The following C3orf70 variants were observed in gnomAD, a reference collection of about 807,000 sequenced individuals.
C3orf70 encodes UPF0524 protein C3orf70.
C3orf70 carries 15 observed loss-of-function variants against 20.7 expected under a neutral mutation model. That is an observed-to-expected ratio of 0.72 (90% confidence interval 0.48 to 1.11). The LOEUF is 1.11. C3orf70 is among the 50% of genes most tolerant of loss of function. The probability of loss-of-function intolerance (pLI) is 0.00; values close to 1 mark genes in which losing one functional copy is unlikely to be tolerated. For synonymous variants in C3orf70, 161 were observed against 125.7 expected, an observed-to-expected ratio of 1.28 and a Z score of -1.88; for missense variants, 332 against 317.6, an observed-to-expected ratio of 1.05 and a Z score of -0.34.
At chr3:185,093,875 T>C (rs1715644172) in intron 1 of C3orf70, among the ~76,000 whole-genome samples, 2 of 151,910 alleles carry the variant, frequency 1.3e-5, no homozygotes, top group African/African-American at 4.8e-5. Context: ...CTAGATACAG[T>C]CATCCCTCAG....
chr3:185,140,286 G>T (rs1412348182), intron 1 of C3orf70, among the ~76,000 whole-genome samples: 1 of 152,098 alleles, frequency 6.6e-6, no homozygotes, highest in African/African-American at 2.4e-5. Flanking sequence ...CTGCTAAGAG[G>T]ATGAAAAGAT....
chr3:185,127,964 AAAGTT>A (rs1716447580), intron 1 of C3orf70, among the ~76,000 whole-genome samples: 1 of 152,250 alleles, frequency 6.6e-6, no homozygotes, highest in African/African-American at 2.4e-5. Flanking sequence ...AAACAAACAC[AAAGTT>A]AAGCATAAAC....
intron 1 of C3orf70, among the ~76,000 whole-genome samples, chr3:185,097,639 G>A (rs1715735901): frequency 6.6e-6 from 1 of 152,194 alleles, no homozygotes; most frequent in East Asian, 1.9e-4. Flanking sequence ...TGAGAGCAGA[G>A]CATCATGGCT....
chr3:185,105,015 C>G (rs1163095672), intron 1 of C3orf70, among the ~76,000 whole-genome samples: 1 of 152,110 alleles, frequency 6.6e-6, no homozygotes, highest in Non-Finnish European at 1.5e-5. Context: ...TGCTGACAAC[C>G]AATTAAAGAT....
intron 1 of C3orf70, among the ~76,000 whole-genome samples, chr3:185,133,333 T>C (rs893218944): frequency 1.3e-4 from 20 of 152,248 alleles, no homozygotes; most frequent in African/African-American, 4.6e-4. Flanking sequence ...TTTAAAGATG[T>C]ACCTCCCCAA....
At chr3:185,147,851 C>A (rs1468719941) in intron 1 of C3orf70, among the ~76,000 whole-genome samples, 1 of 152,144 alleles carries the variant, frequency 6.6e-6, no homozygotes, top group Non-Finnish European at 1.5e-5. Flanking sequence ...AAGACTAAAC[C>A]TTTCACCCTC....
At chr3:185,125,720 T>C (rs1716396843) in intron 1 of C3orf70, among the ~76,000 whole-genome samples, 2 of 152,334 alleles carry the variant, frequency 1.3e-5, no homozygotes, top group Non-Finnish European at 2.9e-5. Context: ...GAGATCCTTA[T>C]GTTAAGTGGA....
intron 1 of C3orf70, among the ~76,000 whole-genome samples, chr3:185,151,704 A>G (rs539662594): frequency 6.6e-6 from 1 of 152,354 alleles, no homozygotes; most frequent in South Asian, 2.1e-4. Context: ...TTAACTTAAG[A>G]TCACTTGGAA....
intron 1 of C3orf70, among the ~76,000 whole-genome samples, chr3:185,085,613 G>A (rs1577316748): frequency 6.7e-6 from 1 of 149,930 alleles, no homozygotes; most frequent in Non-Finnish European, 1.5e-5. Context: ...CACCTGCCTG[G>A]GGGAACTATG....
chr3:185,137,750 G>A (rs1014412599), intron 1 of C3orf70, among the ~76,000 whole-genome samples: 2 of 152,148 alleles, frequency 1.3e-5, no homozygotes, highest in Non-Finnish European at 2.9e-5. Context: ...CTAAAGCAGT[G>A]CTGAAAGGAA....
At position 185,077,789 on chromosome 3, in the gene C3orf70, TGGG is replaced by T. The variant is rs10663284; in HGVS notation, c.*5215_*5217del. 1.6e-5 allele frequency among the ~76,000 whole-genome samples: 2 copies of T among 124,180 alleles called. No homozygotes were observed. The highest frequency in any genetic ancestry group is 2.8e-4 in the South Asian group (1 of 3,514). 81.5% of individuals were successfully genotyped at this position (124,180 alleles called of 152,430 possible). A position where few individuals can be genotyped will look rare whatever the true frequency, so the allele number is the denominator to read the frequency against. On this transcript the variant is annotated 3_prime_UTR_variant, in exon 2 of 2. Transcript: ENST00000335012. ...TGAAATAAATGCTATTTGGTGGTGGTGGGGGGGGGGTATCAAGTTTTATTTGCT... is the reference window on the plus strand; with the variant it reads ...TGAAATAAATGCTATTTGGTGGTGGTGGGGGGGTATCAAGTTTTATTTGCT...
intron 1 of C3orf70, among the ~76,000 whole-genome samples, chr3:185,143,012 A>G (rs1326531779): frequency 6.6e-6 from 1 of 152,200 alleles, no homozygotes; most frequent in Non-Finnish European, 1.5e-5. Flanking sequence ...GCGATATATG[A>G]ATCTTGATTG....
At chr3:185,146,688 A>AAACTTCTT (rs1261356690) in intron 1 of C3orf70, among the ~76,000 whole-genome samples, 23 of 152,286 alleles carry the variant, frequency 1.5e-4, no homozygotes, top group African/African-American at 5.5e-4. Flanking sequence ...CAAACTTCTT[A>AAACTTCTT]AACACGTTTT....
chr3:185,122,140 T>C (rs1716314545), intron 1 of C3orf70, among the ~76,000 whole-genome samples: 1 of 148,832 alleles, frequency 6.7e-6, no homozygotes, highest in South Asian at 2.1e-4. Flanking sequence ...GGAAATATAC[T>C]ATGCAAACAT....
chr3:185,137,410 GAT>G (rs1289836268), intron 1 of C3orf70, among the ~76,000 whole-genome samples: 1 of 152,086 alleles, frequency 6.6e-6, no homozygotes, highest in Non-Finnish European at 1.5e-5. Context: ...AATAAGCAAG[GAT>G]ATAGAAGAAC....
intron 1 of C3orf70, among the ~76,000 whole-genome samples, chr3:185,125,876 T>C (rs928271391): frequency 3.9e-5 from 6 of 152,198 alleles, no homozygotes; most frequent in Non-Finnish European, 1.5e-5. Context: ...GGTTAGCAGT[T>C]ACCAGGGATG....
intron 1 of C3orf70, among the ~76,000 whole-genome samples, chr3:185,108,248 A>G (rs1484646517): frequency 6.6e-6 from 1 of 152,230 alleles, no homozygotes; most frequent in East Asian, 1.9e-4. Flanking sequence ...TAGGTCTAGC[A>G]ATGGTAAAGC....
At chr3:185,118,870 T>C (rs1716235475) in intron 1 of C3orf70, among the ~76,000 whole-genome samples, 1 of 152,212 alleles carries the variant, frequency 6.6e-6, no homozygotes, top group African/African-American at 2.4e-5. Flanking sequence ...AGAACCACTC[T>C]ACCGTGTTAC....
At position 185,152,696 on chromosome 3, in the gene C3orf70, A is replaced by T. The variant is rs1241245345; in HGVS notation, c.128T>A (p.Ile43Asn). The T allele has an allele frequency of 6.3e-7, 1 of 1,594,448 alleles. No homozygotes were observed. Among genetic ancestry groups the T allele is most frequent in the Non-Finnish European group, 8.5e-7 (1 of 1,170,936 alleles). Residue 43 changes from isoleucine (I) to asparagine (N), a missense_variant, in exon 1 of 2, where the codon ATC becomes AAC. Coordinates refer to ENST00000335012, the MANE Select transcript of C3orf70 (RefSeq NM_001025266.3). ...CTTGCCATGGCTGTGCGTGGCACAG[A>T]TAGACAGCCCGTCGCACGGCTGGAA... is the stretch of plus-strand genomic sequence containing the variant. ...PDFQPCDGLSICATHSHGKCF... is the reference protein window; with the variant it reads ...PDFQPCDGLSNCATHSHGKCF...
Sources: allele counts gnomAD v4.1 joint callset (sites outside exome capture counted in the v4.1 genomes callset), GRCh38; gene constraint gnomAD v4.1.1; transcripts MANE v1.5; gene names NCBI Gene and HGNC (gene_info 2026-07-23, HGNC 2026-07-21).